SMYD3: variants seen among roughly 807,000 people sequenced by gnomAD.
SMYD3 encodes SET and MYND domain containing 3.
In SMYD3, 36 loss-of-function variants were observed where a neutral mutation model predicts 57.7. The ratio of observed to expected loss-of-function variants is 0.62; its 90% CI spans 0.48 to 0.82. The LOEUF is 0.82. Among genes scored for constraint, SMYD3 ranks in the 40% least tolerant of loss-of-function variants. The pLI, the probability that SMYD3 is intolerant of heterozygous loss-of-function variation, is 0.00. For missense variants in SMYD3, 515 were observed against 538.8 expected (o/e 0.96, Z 0.44); for synonymous variants, 211 against 195.0 (o/e 1.08, Z -0.68).
At chr1:245,938,699 A>C (rs535819347) in intron 5 of SMYD3, among the ~76,000 whole-genome samples, 1 of 152,266 alleles carries the variant, frequency 6.6e-6, no homozygotes, top group South Asian at 2.1e-4. Flanking sequence ...GTGGGATTTC[A>C]ATGCAAGGAT....
At chr1:246,459,139 G>A (rs183188867) in intron 1 of SMYD3, among the ~76,000 whole-genome samples, 8 of 152,338 alleles carry the variant, frequency 5.3e-5, no homozygotes, top group Admixed American at 3.3e-4. Context: ...GTTTGAAAAT[G>A]TGTAGCACGT....
chr1:246,221,834 G>C (rs1205161851), intron 5 of SMYD3, among the ~76,000 whole-genome samples: 1 of 152,176 alleles, frequency 6.6e-6, no homozygotes, highest in Non-Finnish European at 1.5e-5. Context: ...AGCCTGCCAG[G>C]GCGAGTGGGT....
intron 2 of SMYD3, among the ~76,000 whole-genome samples, chr1:246,338,539 T>C (rs556337891): frequency 4.1e-4 from 62 of 152,352 alleles, no homozygotes; most frequent in Middle Eastern, 3.4e-3. Context: ...GTATTTTCTT[T>C]TGTCATAGCT....
At chr1:246,139,106 C>A (rs2061711434) in intron 5 of SMYD3, among the ~76,000 whole-genome samples, 1 of 152,068 alleles carries the variant, frequency 6.6e-6, no homozygotes, top group Admixed American at 6.6e-5. Context: ...GGAGTAATGG[C>A]GAAACTCACA....
At chr1:245,999,830 G>A (rs555959635) in intron 5 of SMYD3, among the ~76,000 whole-genome samples, 2 of 152,136 alleles carry the variant, frequency 1.3e-5, no homozygotes, top group Admixed American at 6.5e-5. Flanking sequence ...GAAAGAGCAC[G>A]GAACTCGAGG....
intron 5 of SMYD3, among the ~76,000 whole-genome samples, chr1:245,955,120 C>T (rs569719568): frequency 6.6e-6 from 1 of 152,216 alleles, no homozygotes; most frequent in South Asian, 2.1e-4. Context: ...TTGTTTGAGT[C>T]TCGCTCTGTC....
intron 5 of SMYD3, among the ~76,000 whole-genome samples, chr1:246,195,610 C>T (rs10924538): frequency 0.23 from 32,703 of 145,036 alleles, 3,894 homozygotes; most frequent in East Asian, 0.43. Flanking sequence ...TGCGTGCACG[C>T]GCGCACACAC....
chr1:246,332,670 T>C (rs2065479830), intron 3 of SMYD3, among the ~76,000 whole-genome samples: 1 of 152,132 alleles, frequency 6.6e-6, no homozygotes. Context: ...TAGCTGGCCA[T>C]GGTGGTGGGC....
intron 2 of SMYD3, among the ~76,000 whole-genome samples, chr1:246,342,553 G>A (rs181033640): frequency 1.0e-3 from 159 of 152,270 alleles, no homozygotes; most frequent in Non-Finnish European, 2.2e-4. Flanking sequence ...TGACTGACAG[G>A]TATTGATTAA....
intron 1 of SMYD3, among the ~76,000 whole-genome samples, chr1:246,482,620 G>A (rs563175031): frequency 5.9e-5 from 9 of 152,278 alleles, no homozygotes; most frequent in Admixed American, 1.3e-4. Context: ...CACATACAGC[G>A]GGATAAACAG....
intron 8 of SMYD3, among the ~76,000 whole-genome samples, chr1:245,877,180 A>G (rs2148535134): frequency 1.3e-5 from 2 of 152,316 alleles, no homozygotes; most frequent in Middle Eastern, 6.8e-3. Flanking sequence ...CTGCTGCCCT[A>G]CTAGGTCTGC....
chr1:245,863,981 G>GC, intron 8 of SMYD3, 95 bp from the exon 9 acceptor site: 1 of 1,128,424 alleles, frequency 8.9e-7, no homozygotes, highest in Non-Finnish European at 1.3e-6. Context: ...TGGCCTGCAA[G>GC]CCCCTGAAAA....
intron 1 of SMYD3, among the ~76,000 whole-genome samples, chr1:246,356,867 T>C (rs1164986050): frequency 3.3e-5 from 5 of 152,198 alleles, no homozygotes; most frequent in Non-Finnish European, 7.3e-5. Flanking sequence ...TTTGGAAACA[T>C]TATTTGAGGG....
intron 8 of SMYD3, among the ~76,000 whole-genome samples, chr1:245,907,021 G>C (rs2054610748): frequency 6.6e-6 from 1 of 152,074 alleles, no homozygotes; most frequent in Non-Finnish European, 1.5e-5. Context: ...CAAACCAATT[G>C]AACTCATGGA....
chr1:245,817,109 A>G (rs958239845), intron 10 of SMYD3, among the ~76,000 whole-genome samples: 1 of 151,378 alleles, frequency 6.6e-6, no homozygotes, highest in African/African-American at 2.4e-5. Context: ...CAGACAAACA[A>G]AAACACAGCA....
At chr1:246,278,913 A>C (rs937052592) in intron 5 of SMYD3, among the ~76,000 whole-genome samples, 2 of 152,218 alleles carry the variant, frequency 1.3e-5, no homozygotes, top group African/African-American at 4.8e-5. Context: ...TCAGAACACA[A>C]GCGCTAGGCA....
chr1:245,939,316 T>C (rs962736292), intron 5 of SMYD3, among the ~76,000 whole-genome samples: 9 of 152,138 alleles, frequency 5.9e-5, no homozygotes, highest in African/African-American at 2.2e-4. Context: ...GAAAGCATTA[T>C]AGAAGTATCG....
chr1:245,989,722 C>G (rs573334114), intron 5 of SMYD3, among the ~76,000 whole-genome samples: 3 of 152,244 alleles, frequency 2.0e-5, no homozygotes, highest in Non-Finnish European at 2.9e-5. Flanking sequence ...GGCTTCCCCC[C>G]TCCCACAGAG....
chr1:246,152,233 TG>T (rs1558271579), intron 5 of SMYD3, among the ~76,000 whole-genome samples: 1 of 152,126 alleles, frequency 6.6e-6, no homozygotes, highest in African/African-American at 2.4e-5. Context: ...CTGGGACACC[TG>T]GCGTCTGGAG....
Sources: gnomAD v4.1 joint callset for allele counts (sites outside exome capture counted in the v4.1 genomes callset) on GRCh38, gnomAD v4.1.1 for gene constraint, MANE v1.5 for transcripts, NCBI Gene and HGNC (gene_info 2026-07-23, HGNC 2026-07-21) for gene names.